The following ZBTB20 variants were observed in gnomAD, a reference collection of about 807,000 sequenced individuals.
The protein encoded by ZBTB20 is zinc finger and BTB domain containing 20.
A neutral mutation model predicts 56.9 loss-of-function variants in ZBTB20; 9 were observed. That is an observed-to-expected ratio of 0.16 (90% CI 0.10 to 0.28). The LOEUF (loss-of-function observed/expected upper bound fraction) is 0.28. Among genes scored for constraint, ZBTB20 ranks in the 10% least tolerant of loss-of-function variants. ZBTB20 has a pLI of 1.00. For synonymous variants in ZBTB20, 417 were observed against 420.7 expected, an observed-to-expected ratio of 0.99 and a Z score of 0.11; for missense variants, 655 against 1,003.0, an observed-to-expected ratio of 0.65 and a Z score of 4.69.
chr3:114,913,695 C>A (rs1420166728), intron 3 of ZBTB20, among the ~76,000 whole-genome samples: 3 of 149,086 alleles, frequency 2.0e-5, no homozygotes, highest in South Asian at 2.1e-4. Context: ...TTTTTTTTTT[C>A]AGTAGTGTCA....
intron 2 of ZBTB20, among the ~76,000 whole-genome samples, chr3:114,985,537 C>T (rs911542602): frequency 1.3e-5 from 2 of 152,032 alleles, no homozygotes; most frequent in Admixed American, 1.3e-4. Flanking sequence ...TCACACTTCC[C>T]CATTAAACTT....
intron 5 of ZBTB20, among the ~76,000 whole-genome samples, chr3:114,728,918 G>T (rs1417649698): frequency 6.6e-6 from 1 of 152,020 alleles, no homozygotes; most frequent in African/African-American, 2.4e-5. Flanking sequence ...CCTCAGGGGA[G>T]GGCAGTGTGG....
At chr3:114,727,324 G>A (rs1340635372) in intron 5 of ZBTB20, among the ~76,000 whole-genome samples, 2 of 152,196 alleles carry the variant, frequency 1.3e-5, no homozygotes, top group African/African-American at 4.8e-5. Flanking sequence ...GCCTCTGTCA[G>A]TTTCATGTTG....
At chr3:114,421,083 T>C (rs993002747) in intron 7 of ZBTB20, among the ~76,000 whole-genome samples, 2 of 152,154 alleles carry the variant, frequency 1.3e-5, no homozygotes, top group African/African-American at 4.8e-5. Context: ...AGGGAACTTG[T>C]GGGTTTTGGC....
intron 7 of ZBTB20, among the ~76,000 whole-genome samples, chr3:114,419,434 G>A (rs2088915271): frequency 6.6e-6 from 1 of 151,980 alleles, no homozygotes; most frequent in Non-Finnish European, 1.5e-5. Flanking sequence ...CATAGTAATA[G>A]GGCAGGAAAA....
intron 11 of ZBTB20, among the ~76,000 whole-genome samples, chr3:114,347,533 C>CA (rs2080295920): frequency 1.3e-5 from 2 of 151,314 alleles, no homozygotes; most frequent in Admixed American, 1.3e-4. Context: ...TTTGAGGCTC[C>CA]ATTTTTTTAT....
At chr3:114,398,072 C>T (rs1010306951) in intron 7 of ZBTB20, among the ~76,000 whole-genome samples, 2 of 152,070 alleles carry the variant, frequency 1.3e-5, no homozygotes, top group African/African-American at 4.8e-5. Flanking sequence ...CTTGGAATAC[C>T]TTTATCACCT....
intron 5 of ZBTB20, among the ~76,000 whole-genome samples, chr3:114,718,841 A>T (rs2064699698): frequency 6.6e-6 from 1 of 151,964 alleles, no homozygotes; most frequent in Non-Finnish European, 1.5e-5. Context: ...ACTATAACAA[A>T]TACTCCATTT....
At chr3:114,456,430 A>G (rs551639898) in intron 7 of ZBTB20, among the ~76,000 whole-genome samples, 31 of 152,286 alleles carry the variant, frequency 2.0e-4, no homozygotes, top group African/African-American at 7.0e-4. Context: ...CATCTGCTAT[A>G]TATCACCAAG....
chr3:114,437,386 CAT>C (rs2090591925), intron 7 of ZBTB20, among the ~76,000 whole-genome samples: 1 of 152,122 alleles, frequency 6.6e-6, no homozygotes, highest in South Asian at 2.1e-4. Flanking sequence ...AGCTTAATCT[CAT>C]ATAATTTAAA....
At chr3:114,613,341 C>T (rs1164001423) in intron 6 of ZBTB20, among the ~76,000 whole-genome samples, 1 of 152,184 alleles carries the variant, frequency 6.6e-6, no homozygotes, top group Non-Finnish European at 1.5e-5. Context: ...GGACTAGGAC[C>T]TAACCAAGAA....
chr3:114,575,472 T>C (rs1439789203), intron 6 of ZBTB20, among the ~76,000 whole-genome samples: 1 of 152,136 alleles, frequency 6.6e-6, no homozygotes, highest in Non-Finnish European at 1.5e-5. Context: ...TCCTAGCATA[T>C]TGCAGATTTT....
rs71146341 is a variant in ZBTB20, at chr3:114,844,330, AATATATATATAT to A, written c.-416-43168_-416-43157del. ...GTTGCATAAGAAAATTACTGGAGTA[AATATATATATAT>A]ATATATATATATATATATATATATA... On this transcript the variant is annotated intron_variant, in intron 4 of 11. Transcript: ENST00000675478. Among the ~76,000 whole-genome samples the A allele has an allele frequency of 1.0e-3, 101 of 99,260 alleles. 2 individuals are homozygous for A. Among genetic ancestry groups the A allele is most frequent in the South Asian group, 3.7e-3 (12 of 3,286 alleles). 65.1% of individuals were successfully genotyped at this position (99,260 alleles called of 152,430 possible).
At chr3:114,913,531 G>C (rs1398398883) in intron 3 of ZBTB20, among the ~76,000 whole-genome samples, 1 of 151,964 alleles carries the variant, frequency 6.6e-6, no homozygotes, top group Non-Finnish European at 1.5e-5. Context: ...CATTCTGTGG[G>C]TTGTCTCTTC....
At chr3:114,375,538 T>A (rs925386968) in intron 10 of ZBTB20, among the ~76,000 whole-genome samples, 2 of 152,308 alleles carry the variant, frequency 1.3e-5, no homozygotes, top group East Asian at 3.9e-4. Context: ...AGCCTATAAG[T>A]TTTTACAGAG....
At chr3:115,070,395 T>G (rs2082366801) in intron 2 of ZBTB20, among the ~76,000 whole-genome samples, 1 of 152,062 alleles carries the variant, frequency 6.6e-6, no homozygotes, top group Non-Finnish European at 1.5e-5. Context: ...ATAAACAAAT[T>G]CAAAAACAAA....
intron 3 of ZBTB20, among the ~76,000 whole-genome samples, chr3:114,921,871 C>T (rs72958293): frequency 0.16 from 24,913 of 151,908 alleles, 2,632 homozygotes; most frequent in African/African-American, 0.28. Flanking sequence ...AATAAATATA[C>T]ACATATATAT....
At chr3:114,668,694 A>T in intron 6 of ZBTB20, among the ~76,000 whole-genome samples, 1 of 152,040 alleles carries the variant, frequency 6.6e-6, no homozygotes, top group East Asian at 1.9e-4. Context: ...TTTAATTGTT[A>T]AGTCAATAGC....
intron 5 of ZBTB20, among the ~76,000 whole-genome samples, chr3:114,798,350 A>AAAAAAAAC (rs1553825491): frequency 1.3e-5 from 2 of 150,404 alleles, no homozygotes; most frequent in South Asian, 2.1e-4. Flanking sequence ...ACAAAAAAAC[A>AAAAAAAAC]AAAAAAAACA....
Sources: allele counts gnomAD v4.1 joint callset (sites outside exome capture counted in the v4.1 genomes callset), GRCh38; gene constraint gnomAD v4.1.1; transcripts MANE v1.5; gene names NCBI Gene and HGNC (gene_info 2026-07-23, HGNC 2026-07-21).